PPARGC1B: variants seen among roughly 807,000 people sequenced by gnomAD.
PPARGC1B encodes PPARG coactivator 1 beta.
PPARGC1B carries 34 observed loss-of-function variants against 101.6 expected under a neutral mutation model. That is an observed-to-expected ratio of 0.33 (90% confidence interval 0.25 to 0.45). The LOEUF (loss-of-function observed/expected upper bound fraction) is 0.45, where lower values mean the gene tolerates loss of function less well. Among genes scored for constraint, PPARGC1B ranks in the 20% least tolerant of loss-of-function variants. The probability of loss-of-function intolerance (pLI) is 1.00; values close to 1 mark genes in which losing one functional copy is unlikely to be tolerated. For synonymous variants in PPARGC1B, 548 were observed against 539.3 expected, an observed-to-expected ratio of 1.02 and a Z score of -0.22; for missense variants, 1,234 against 1,317.6, an observed-to-expected ratio of 0.94 and a Z score of 0.98.
intron 10 of PPARGC1B, among the ~76,000 whole-genome samples, chr5:149,843,490 A>C (rs1257729726): frequency 1.3e-5 from 2 of 152,214 alleles, no homozygotes; most frequent in Non-Finnish European, 2.9e-5. Flanking sequence ...AAAACCAGAA[A>C]ATAAATACTG....
At chr5:149,841,086 C>G (rs1427906001) in intron 9 of PPARGC1B, among the ~76,000 whole-genome samples, 3 of 152,102 alleles carry the variant, frequency 2.0e-5, no homozygotes, top group African/African-American at 7.2e-5. Flanking sequence ...ATAATAGACT[C>G]ATAAACAAAG....
At chr5:149,767,381 A>G (rs185714439) in intron 1 of PPARGC1B, among the ~76,000 whole-genome samples, 2 of 152,362 alleles carry the variant, frequency 1.3e-5, no homozygotes, top group African/African-American at 4.8e-5. Context: ...TGGCTTATTC[A>G]GGACTCCCAG....
intron 4 of PPARGC1B, 36 bp downstream of exon 4, chr5:149,830,919 G>A (rs1322235427): frequency 2.1e-6 from 3 of 1,433,634 alleles, no homozygotes; most frequent in South Asian, 1.1e-5. Context: ...TACCCCAGGT[G>A]TCTGTTGGGG....
chr5:149,736,700 T>C (rs948202607), intron 1 of PPARGC1B, among the ~76,000 whole-genome samples: 1 of 152,228 alleles, frequency 6.6e-6, no homozygotes, highest in Non-Finnish European at 1.5e-5. Context: ...TTAGAGTGCA[T>C]ATCTGACATC....
intron 1 of PPARGC1B, among the ~76,000 whole-genome samples, chr5:149,799,633 G>A (rs968468233): frequency 1.3e-5 from 2 of 151,814 alleles, no homozygotes; most frequent in African/African-American, 4.8e-5. Flanking sequence ...ATTCAGGGCA[G>A]GCTCCATCAG....
intron 3 of PPARGC1B, among the ~76,000 whole-genome samples, chr5:149,829,608 A>C (rs956685347): frequency 7.9e-5 from 12 of 151,944 alleles, no homozygotes; most frequent in African/African-American, 2.9e-4. Flanking sequence ...GATGTATTCA[A>C]CTTCCTGCTC....
rs1256636179 is a variant in PPARGC1B at position 149,850,524 on chromosome 5, A to G, written c.*2966A>G. 1 of 152,234 alleles carries G rather than the reference A, an allele frequency of 6.6e-6. No homozygotes were observed. Among genetic ancestry groups the G allele is most frequent in the Non-Finnish European group, 1.5e-5 (1 of 68,048 alleles). 9.4% of individuals were successfully genotyped at this position (152,234 alleles called of 1,614,324 possible). A position where few individuals can be genotyped will look rare whatever the true frequency, so the allele number is the denominator to read the frequency against. ...TCTAAAATTTACCGACCCTGCAGAC[A>G]ACCTCTATCCCGAAGGACTCATTCG... On this transcript the variant is annotated 3_prime_UTR_variant, in exon 12 of 12. Coordinates refer to ENST00000309241, the MANE Select transcript of PPARGC1B (RefSeq NM_133263.4).
At chr5:149,822,072 G>A (rs528655114) in intron 2 of PPARGC1B, among the ~76,000 whole-genome samples, 5 of 152,260 alleles carry the variant, frequency 3.3e-5, no homozygotes, top group East Asian at 1.9e-4. Context: ...GGCTCCAACC[G>A]GAGACCTCCA....
chr5:149,756,341 A>G (rs890855111), intron 1 of PPARGC1B, among the ~76,000 whole-genome samples: 3 of 152,054 alleles, frequency 2.0e-5, no homozygotes, highest in Admixed American at 1.3e-4. Context: ...AATCCCAGCT[A>G]CTTGGGAGGC....
chr5:149,766,808 C>G (rs1490573669), intron 1 of PPARGC1B, among the ~76,000 whole-genome samples: 1 of 152,218 alleles, frequency 6.6e-6, no homozygotes, highest in African/African-American at 2.4e-5. Flanking sequence ...CCCTGTCCCC[C>G]CACAAAGGCA....
At chr5:149,793,372 G>A (rs926823683) in intron 1 of PPARGC1B, among the ~76,000 whole-genome samples, 1 of 152,154 alleles carries the variant, frequency 6.6e-6, no homozygotes, top group African/African-American at 2.4e-5. Context: ...GAAGGAAGTT[G>A]GTTCCCCAGA....
chr5:149,768,035 G>A (rs1755982084), intron 1 of PPARGC1B, among the ~76,000 whole-genome samples: 1 of 151,790 alleles, frequency 6.6e-6, no homozygotes, highest in Admixed American at 6.6e-5. Flanking sequence ...GGGAGATAGT[G>A]ACACCCAAAG....
At chr5:149,831,055 G>C (rs1758764314) in intron 4 of PPARGC1B, among the ~76,000 whole-genome samples, 172 bp downstream of exon 4, 1 of 152,142 alleles carries the variant, frequency 6.6e-6, no homozygotes, top group African/African-American at 2.4e-5. Context: ...CCTAGTTTAG[G>C]GTTTTCTGGA....
chr5:149,760,963 T>C (rs1001109384), intron 1 of PPARGC1B, among the ~76,000 whole-genome samples: 1 of 152,200 alleles, frequency 6.6e-6, no homozygotes, highest in Non-Finnish European at 1.5e-5. Flanking sequence ...GCTCTAGTTA[T>C]TAAAGCAGCG....
At chr5:149,839,995 G>T in intron 8 of PPARGC1B, 46 bp from the exon 9 acceptor site, 1 of 1,591,202 alleles carries the variant, frequency 6.3e-7, no homozygotes, top group South Asian at 1.1e-5. Flanking sequence ...CACCCCCATG[G>T]TATCTCCCGA....
At chr5:149,855,457 A>G (rs558855259), downstream of PPARGC1B, among the ~76,000 whole-genome samples, 1 of 152,316 alleles carries the variant, frequency 6.6e-6, no homozygotes, top group African/African-American at 2.4e-5. Context: ...ATCAACTTTC[A>G]CATAAGCACA....
intron 1 of PPARGC1B, among the ~76,000 whole-genome samples, chr5:149,807,866 A>G (rs1041011173): frequency 6.6e-6 from 1 of 152,206 alleles, no homozygotes; most frequent in Non-Finnish European, 1.5e-5. Context: ...AGTCACCTGC[A>G]TGAACAGTAA....
intron 9 of PPARGC1B, among the ~76,000 whole-genome samples, chr5:149,841,743 G>C (rs529853344): frequency 6.6e-6 from 1 of 152,154 alleles, no homozygotes; most frequent in Non-Finnish European, 1.5e-5. Flanking sequence ...CACTGGCATA[G>C]CATGGAACTC....
At chr5:149,772,574 A>C (rs1384343944) in intron 1 of PPARGC1B, among the ~76,000 whole-genome samples, 1 of 152,172 alleles carries the variant, frequency 6.6e-6, no homozygotes, top group Admixed American at 6.5e-5. Flanking sequence ...CTTGGCTTGT[A>C]GATGGGCATC....
Sources: gnomAD v4.1 joint callset for allele counts (sites outside exome capture counted in the v4.1 genomes callset) on GRCh38, gnomAD v4.1.1 for gene constraint, MANE v1.5 for transcripts, NCBI Gene and HGNC (gene_info 2026-07-23, HGNC 2026-07-21) for gene names.